Variants in TTLL5 observed in about 807,000 individuals in gnomAD.
TTLL5 encodes the protein tubulin polyglutamylase TTLL5.
TTLL5 carries 132 observed loss-of-function variants against 168.4 expected under a neutral mutation model. The observed-to-expected ratio is 0.78, with a 90% confidence interval of 0.68 to 0.91. TTLL5 has a LOEUF of 0.91. Among genes scored for constraint, TTLL5 ranks in the 40% least tolerant of loss-of-function variants. TTLL5 has a pLI of 0.00. For missense variants in TTLL5, 1,545 were observed against 1,581.5 expected (o/e 0.98, Z 0.39); for synonymous variants, 546 against 558.6 (o/e 0.98, Z 0.32).
In TTLL5 at chr14:75,764,755, T is replaced by C. The variant is rs1237155349; in HGVS notation, c.1691T>C (p.Met564Thr). 6 of 1,614,118 alleles carry C rather than the reference T, an allele frequency of 3.7e-6. No homozygotes were observed. The highest frequency in any genetic ancestry group is 4.2e-6 in the Non-Finnish European group (5 of 1,179,978). ...CGACGGAGTAGCAGATTGAGGGCAATGAGGCCAAAATACCCAGGTACCTGC... is the reference window on the plus strand; with the variant it reads ...CGACGGAGTAGCAGATTGAGGGCAACGAGGCCAAAATACCCAGGTACCTGC... ...RRRRSSRLRA[M>T]RPKYPVITQP... The change falls in exon 19 of 32, where the codon ATG (methionine) becomes ACG (threonine). Residue 564 changes from methionine to threonine, a missense_variant. Coordinates refer to ENST00000298832, the MANE Select transcript of TTLL5 (RefSeq NM_015072.5).
In TTLL5 at chr14:75,925,604, C is replaced by T. The variant is rs184420394; in HGVS notation, c.3823+23380C>T. 5.1e-3 allele frequency among the ~76,000 whole-genome samples: 762 copies of T among 148,232 alleles called. 20 individuals are homozygous for T. The highest frequency in any genetic ancestry group is 0.019 in the African/African-American group (738 of 39,752). ...GCAGAGGGTCTCCTCACGTCCCAGACGATGGGCGGCCAGGCAGAGACGCTC... is the reference window on the plus strand; with the variant it reads ...GCAGAGGGTCTCCTCACGTCCCAGATGATGGGCGGCCAGGCAGAGACGCTC... On this transcript the variant is annotated intron_variant, in intron 31 of 31. Transcript: ENST00000298832.
At chr14:75,796,201 C>A (rs1260365898) in intron 27 of TTLL5, among the ~76,000 whole-genome samples, 1 of 152,152 alleles carries the variant, frequency 6.6e-6, no homozygotes, top group Non-Finnish European at 1.5e-5. Context: ...AGCATTTTCT[C>A]ATATGTTTGT....
rs1271633656 is a variant in TTLL5 at position 75,663,140 on chromosome 14, C to A, written c.-10C>A. 5 of 1,613,238 alleles carry A rather than the reference C, an allele frequency of 3.1e-6. No homozygotes were observed. The highest frequency in any genetic ancestry group is 4.2e-6 in the Non-Finnish European group (5 of 1,179,756). On this transcript the variant is annotated 5_prime_UTR_variant, in exon 2 of 32. Transcript: ENST00000298832. Reference sequence around the variant, plus strand: ...CCCGTCTGCTGACTGCATGACAAACCCTAAAGGAAATGCCAATCGTGATGG... The same window carrying A: ...CCCGTCTGCTGACTGCATGACAAACACTAAAGGAAATGCCAATCGTGATGG...
At chr14:75,731,111 G>T (rs530039099) in intron 12 of TTLL5, among the ~76,000 whole-genome samples, 1 of 151,946 alleles carries the variant, frequency 6.6e-6, no homozygotes, top group African/African-American at 2.4e-5. Flanking sequence ...CTATTTTTTT[G>T]TTTTCTGAGA....
intron 2 of TTLL5, among the ~76,000 whole-genome samples, chr14:75,667,349 A>G (rs1412760803): frequency 6.6e-6 from 1 of 152,204 alleles, no homozygotes; most frequent in Non-Finnish European, 1.5e-5. Flanking sequence ...TTCCTGTCTG[A>G]GACTTTGTAG....
chr14:75,779,594 G>C lies in TTLL5; in HGVS notation c.2407G>C (p.Val803Leu), dbSNP rs892586302. The C allele has an allele frequency of 1.2e-6, 2 of 1,613,612 alleles. No individual in the cohort carries two copies. The highest frequency in any genetic ancestry group is 1.7e-5 in the Admixed American group (1 of 59,938). The change falls in exon 24 of 32, where the codon GTG becomes CTG. Residue 803 changes from valine (V) to leucine (L), a missense_variant. Transcript: ENST00000298832. ...TTTCAGTGAGGCTGAACTGGAGGAG[G>C]TGTTGACTTTTTATACCCAAAAGAA... ...RQASEAELEEVLTFYTQKNKS... is the reference protein window; with the variant it reads ...RQASEAELEELLTFYTQKNKS...
Position 75,771,884 on chromosome 14 carries a change from C to T in TTLL5, c.2136+30C>T. 3.8e-6 allele frequency: 6 copies of T among 1,572,516 alleles called. 1 individual carries two copies. Among genetic ancestry groups the T allele is most frequent in the South Asian group, 2.4e-5 (2 of 82,676 alleles). On this transcript the variant is annotated intron_variant, in intron 21 of 31. Coordinates refer to ENST00000298832, the MANE Select transcript of TTLL5 (RefSeq NM_015072.5). ...GGCTTTTCTTACTGAAACCTTTTTA[C>T]TTTCCCTTTTTCTTTCTTCTTTCTG...
intron 2 of TTLL5, among the ~76,000 whole-genome samples, chr14:75,663,896 C>G (rs1883059546): frequency 6.6e-6 from 1 of 152,018 alleles, no homozygotes; most frequent in African/African-American, 2.4e-5. Flanking sequence ...CCAGCCTGGC[C>G]AACATGGTGA....
intron 17 of TTLL5, among the ~76,000 whole-genome samples, chr14:75,746,778 G>A (rs1173143435): frequency 6.6e-6 from 1 of 152,058 alleles, no homozygotes; most frequent in Non-Finnish European, 1.5e-5. Flanking sequence ...TGCCCAAGCT[G>A]ATCTTGAACT....
chr14:75,875,567 G>A (rs2031423409), intron 29 of TTLL5, among the ~76,000 whole-genome samples: 1 of 151,598 alleles, frequency 6.6e-6, no homozygotes, highest in African/African-American at 2.4e-5. Flanking sequence ...AAAATATATT[G>A]TGAACATATT....
chr14:75,719,172 C>T (rs1226177019), intron 10 of TTLL5, among the ~76,000 whole-genome samples: 1 of 152,144 alleles, frequency 6.6e-6, no homozygotes, highest in Non-Finnish European at 1.5e-5. Context: ...CACTCCAGTG[C>T]ACTCTCCCTT....
intron 18 of TTLL5, 109 bp downstream of exon 18, chr14:75,753,064 T>C (rs1463581473): frequency 2.7e-6 from 3 of 1,102,566 alleles, no homozygotes; most frequent in Non-Finnish European, 3.9e-6. Flanking sequence ...AAATCTCTGC[T>C]AGAAAAAAAA....
intron 31 of TTLL5, among the ~76,000 whole-genome samples, chr14:75,945,456 C>T (rs1017783875): frequency 6.6e-6 from 1 of 151,538 alleles, no homozygotes; most frequent in Admixed American, 6.6e-5. Flanking sequence ...GGGGTGTCAC[C>T]ATGTTGGTCA....
At position 75,764,718 on chromosome 14, in the gene TTLL5, C is replaced by G; in HGVS notation, c.1654C>G (p.Arg552Gly). 6.2e-7 allele frequency: 1 copy of G among 1,614,112 alleles called. No homozygotes were observed. The highest frequency in any genetic ancestry group is 8.5e-7 in the Non-Finnish European group (1 of 1,180,004). ...GAGGAAGCTCCTGTCTCTGGAGGTG[C>G]GAAAACGTAGACGACGGAGTAGCAG... is the stretch of plus-strand genomic sequence containing the variant. The part of the protein sequence containing the change: ...YERKLLSLEV[R>G]KRRRRSSRLR... Residue 552 changes from arginine (R) to glycine (G), a missense_variant, in exon 19 of 32, where the codon CGA becomes GGA. By Grantham distance (125) the Arg-to-Gly change is moderately radical (BLOSUM62 -2). Coordinates refer to ENST00000298832, the MANE Select transcript of TTLL5 (RefSeq NM_015072.5).
intron 31 of TTLL5, among the ~76,000 whole-genome samples, chr14:75,914,033 A>AT (rs1555356334): frequency 0.035 from 2,457 of 71,072 alleles, 108 homozygotes; most frequent in East Asian, 0.14. Flanking sequence ...AAAAAAAAAA[A>AT]ATATATATAT....
At chr14:75,845,430 A>G (rs1464395880) in intron 28 of TTLL5, among the ~76,000 whole-genome samples, 12 of 152,164 alleles carry the variant, frequency 7.9e-5, no homozygotes, top group Admixed American at 7.2e-4. Flanking sequence ...ACATTTTGGT[A>G]GTCAGCATGT....
chr14:75,858,288 T>A (rs1052873527), intron 28 of TTLL5, among the ~76,000 whole-genome samples: 3 of 152,246 alleles, frequency 2.0e-5, no homozygotes, highest in African/African-American at 4.8e-5. Context: ...ATCCAGGCAA[T>A]GGCACCAAAC....
chr14:75,715,567 G>A (rs1212089685), intron 9 of TTLL5, among the ~76,000 whole-genome samples: 1 of 152,078 alleles, frequency 6.6e-6, no homozygotes, highest in Non-Finnish European at 1.5e-5. Context: ...AGATGAACAT[G>A]CACACCTTTT....
At chr14:75,914,033 A>AAAAAAAATATATATATATAT in intron 31 of TTLL5, among the ~76,000 whole-genome samples, 6 of 71,096 alleles carry the variant, frequency 8.4e-5, no homozygotes, top group African/African-American at 1.5e-4. Context: ...AAAAAAAAAA[A>AAAAAAAATATATATATATAT]ATATATATAT....
Sources: allele counts gnomAD v4.1 joint callset (sites outside exome capture counted in the v4.1 genomes callset), GRCh38; gene constraint gnomAD v4.1.1; transcripts MANE v1.5; gene names NCBI Gene and HGNC (gene_info 2026-07-23, HGNC 2026-07-21).